TESK2: variants seen among roughly 807,000 people sequenced by gnomAD.
The protein encoded by TESK2 is testis associated actin remodelling kinase 2.
TESK2 carries 39 observed loss-of-function variants against 57.1 expected under a neutral mutation model. That is an observed-to-expected ratio of 0.68 (90% confidence interval 0.53 to 0.89). The LOEUF is 0.89. Among genes scored for constraint, TESK2 ranks in the 40% least tolerant of loss-of-function variants. The pLI, the probability that TESK2 is intolerant of heterozygous loss-of-function variation, is 0.00. For missense variants in TESK2, 646 were observed against 732.1 expected (o/e 0.88, Z 1.36); for synonymous variants, 249 against 267.9 (o/e 0.93, Z 0.69).
intron 1 of TESK2, among the ~76,000 whole-genome samples, chr1:45,481,104 G>C (rs923190033): frequency 2.0e-5 from 3 of 150,498 alleles, no homozygotes; most frequent in African/African-American, 7.3e-5. Context: ...GGTGGCTCAC[G>C]CCTGTAATCC....
chr1:45,348,892 T>C (rs1647192613), intron 5 of TESK2, among the ~76,000 whole-genome samples: 1 of 152,106 alleles, frequency 6.6e-6, no homozygotes, highest in Non-Finnish European at 1.5e-5. Context: ...TGAGACAGGC[T>C]GAGAACATGC....
intron 2 of TESK2, among the ~76,000 whole-genome samples, chr1:45,423,441 C>T (rs1186953183): frequency 6.6e-6 from 1 of 151,966 alleles, no homozygotes; most frequent in Non-Finnish European, 1.5e-5. Context: ...CCTGTAGTCC[C>T]AGCTACTCGG....
At chr1:45,460,899 CCTATTTA>C (rs1652305725) in intron 1 of TESK2, among the ~76,000 whole-genome samples, 1 of 152,132 alleles carries the variant, frequency 6.6e-6, no homozygotes, top group Admixed American at 6.5e-5. Flanking sequence ...AATGCTATAA[CCTATTTA>C]CTAGCAAAGC....
At chr1:45,475,347 C>T (rs923093037) in intron 1 of TESK2, among the ~76,000 whole-genome samples, 2 of 151,684 alleles carry the variant, frequency 1.3e-5, no homozygotes, top group African/African-American at 4.8e-5. Flanking sequence ...GCTGGGACTA[C>T]AGGCATGTGC....
intron 4 of TESK2, among the ~76,000 whole-genome samples, chr1:45,379,744 C>T (rs1648572726): frequency 6.6e-6 from 1 of 152,216 alleles, no homozygotes; most frequent in South Asian, 2.1e-4. Context: ...AAAAGCATTT[C>T]TTTCAGTACC....
chr1:45,358,694 C>T (rs1298253702), intron 4 of TESK2, among the ~76,000 whole-genome samples: 2 of 151,626 alleles, frequency 1.3e-5, no homozygotes, highest in Admixed American at 6.6e-5. Context: ...GAGGGTAGTA[C>T]ACCTCACACA....
chr1:45,490,207 T>G (rs753866042), intron 1 of TESK2, among the ~76,000 whole-genome samples: 7 of 152,204 alleles, frequency 4.6e-5, no homozygotes, highest in African/African-American at 1.7e-4. Flanking sequence ...GAAGTCCAAA[T>G]TCCTCAGCAA....
intron 3 of TESK2, among the ~76,000 whole-genome samples, chr1:45,411,113 T>C (rs1353797676): frequency 6.6e-6 from 1 of 152,200 alleles, no homozygotes; most frequent in Non-Finnish European, 1.5e-5. Flanking sequence ...TTGGGAGTCA[T>C]GTGGCTAGAG....
At chr1:45,399,010 A>G in intron 3 of TESK2, 1 of 425,774 alleles carries the variant, frequency 2.3e-6, no homozygotes, top group South Asian at 1.7e-5. Context: ...AAAAAAAACA[A>G]GCCTTTAAGC....
chr1:45,356,277 T>G (rs1005834300), intron 4 of TESK2, among the ~76,000 whole-genome samples: 6 of 152,110 alleles, frequency 3.9e-5, no homozygotes, highest in Admixed American at 2.0e-4. Flanking sequence ...CTGGATGTCA[T>G]TTTTAAATAC....
chr1:45,429,116 C>T (rs969452644), intron 2 of TESK2, among the ~76,000 whole-genome samples: 4 of 152,158 alleles, frequency 2.6e-5, no homozygotes, highest in East Asian at 1.9e-4. Flanking sequence ...CCACCGCGCC[C>T]GGCCCCTAAA....
chr1:45,344,764 C>G lies in TESK2; in HGVS notation c.*76G>C, dbSNP rs372522278. 1,378 of 1,381,752 alleles carry G rather than the reference C, an allele frequency of 1.0e-3. 30 individuals are homozygous for G. The South Asian group carries it at 0.018, about 18-fold the overall frequency. 85.6% of individuals were successfully genotyped at this position (1,381,752 alleles called of 1,614,324 possible). A position where few individuals can be genotyped will look rare whatever the true frequency, so the allele number is the denominator to read the frequency against. The stretch of plus-strand genomic sequence containing the variant: ...TGCTCTGTAGGCTCCAGGGAAGAAT[C>G]AAGGCTGTGCACCTAGGGGGCCATA... On this transcript the variant is annotated 3_prime_UTR_variant, in exon 11 of 11. Transcript: ENST00000372086.
At position 45,347,672 on chromosome 1, in the gene TESK2, G is replaced by C; in HGVS notation, c.645C>G (p.Ala215=). ...CCATCCAGAATGGGGAACCCACCAC[G>C]GCCAGCTTCTCACTCCCCATGCTGT... ...PDVSMGSEKL[A]VVGSPFWMAP... The change falls in exon 7 of 11, where the codon GCC becomes GCG. Residue 215 remains alanine, a synonymous_variant. Coordinates refer to ENST00000372086, the MANE Select transcript of TESK2 (RefSeq NM_007170.3). The C allele has an allele frequency of 6.2e-7, 1 of 1,614,098 alleles. No individual in the cohort carries two copies. Among genetic ancestry groups the C allele is most frequent in the East Asian group, 2.2e-5 (1 of 44,884 alleles).
intron 4 of TESK2, among the ~76,000 whole-genome samples, chr1:45,373,584 T>C (rs539230968): frequency 5.3e-5 from 8 of 152,362 alleles, no homozygotes; most frequent in African/African-American, 1.9e-4. Flanking sequence ...TAATAATTAT[T>C]TGTTAAATAG....
At chr1:45,354,679 T>C (rs925403077) in intron 5 of TESK2, among the ~76,000 whole-genome samples, 2 of 145,984 alleles carry the variant, frequency 1.4e-5, no homozygotes, top group African/African-American at 5.1e-5. Context: ...GTCCCAGCTA[T>C]TCGGGAGGCT....
At position 45,452,032 on chromosome 1, in the gene TESK2, C is replaced by CAAAAAAAAAAAAAAAAAAAA. The variant is rs566363776; in HGVS notation, c.222+5531_222+5532insTTTTTTTTTTTTTTTTTTTT. On this transcript the variant is annotated intron_variant, in intron 2 of 10. Transcript: ENST00000372086. ...TGGGAGACAGAACAAGACTCCGTCT[C>CAAAAAAAAAAAAAAAAAAAA]AAAAAAAAAAAAAAATTTATTTGGT... Among the ~76,000 whole-genome samples the CAAAAAAAAAAAAAAAAAAAA allele has an allele frequency of 2.0e-3, 207 of 103,764 alleles. 11 individuals are homozygous for CAAAAAAAAAAAAAAAAAAAA. Among genetic ancestry groups the CAAAAAAAAAAAAAAAAAAAA allele is most frequent in the Middle Eastern group, 5.5e-3 (1 of 182 alleles). 68.1% of individuals were successfully genotyped at this position (103,764 alleles called of 152,430 possible). A position where few individuals can be genotyped will look rare whatever the true frequency, so the allele number is the denominator to read the frequency against.
intron 2 of TESK2, among the ~76,000 whole-genome samples, chr1:45,448,436 T>A (rs181177592): frequency 1.3e-5 from 2 of 152,240 alleles, no homozygotes; most frequent in East Asian, 3.9e-4. Context: ...AGAGGTTTAA[T>A]TGGCTCACAG....
At chr1:45,431,756 G>A (rs764825317) in intron 2 of TESK2, among the ~76,000 whole-genome samples, 20 of 152,108 alleles carry the variant, frequency 1.3e-4, no homozygotes, top group Non-Finnish European at 2.6e-4. Flanking sequence ...ATAAGAAAGA[G>A]CTTGTCAAAT....
At chr1:45,435,984 A>G (rs1190635341) in intron 2 of TESK2, among the ~76,000 whole-genome samples, 1 of 151,812 alleles carries the variant, frequency 6.6e-6, no homozygotes, top group Non-Finnish European at 1.5e-5. Context: ...CCATTGGTCT[A>G]TGTGTCTGAT....
Sources: allele counts gnomAD v4.1 joint callset (sites outside exome capture counted in the v4.1 genomes callset), GRCh38; gene constraint gnomAD v4.1.1; transcripts MANE v1.5; gene names NCBI Gene and HGNC (gene_info 2026-07-23, HGNC 2026-07-21).